PCDH15: variants seen among roughly 807,000 people sequenced by gnomAD.
The protein encoded by PCDH15 is protocadherin-15.
In PCDH15, 129 loss-of-function variants were observed where a neutral mutation model predicts 178.5. The observed-to-expected ratio is 0.72, with a 90% CI of 0.63 to 0.84. The LOEUF is 0.84. PCDH15 is among the 40% of genes least tolerant of loss of function. The pLI, the probability that PCDH15 is intolerant of heterozygous loss-of-function variation, is 0.00. For synonymous variants in PCDH15, 800 were observed against 732.0 expected (o/e 1.09, Z -1.50); for missense variants, 2,230 against 2,099.9 (o/e 1.06, Z -1.21).
intron 1 of PCDH15, among the ~76,000 whole-genome samples, chr10:55,270,812 T>C (rs1842425078): frequency 1.3e-5 from 2 of 152,096 alleles, no homozygotes; most frequent in African/African-American, 2.4e-5. Context: ...AAATAGATCA[T>C]TATATTAAAA....
chr10:54,186,929 G>T (rs539243083), intron 11 of PCDH15, among the ~76,000 whole-genome samples: 1 of 152,074 alleles, frequency 6.6e-6, no homozygotes, highest in East Asian at 1.9e-4. Flanking sequence ...AGAGTGAATT[G>T]TGATTAAATT....
At chr10:55,407,111 G>C (rs1838214714) in intron 2 of PCDH15, among the ~76,000 whole-genome samples, 1 of 152,090 alleles carries the variant, frequency 6.6e-6, no homozygotes, top group Non-Finnish European at 1.5e-5. Flanking sequence ...AGACGTGTAG[G>C]AGAGAAAGAG....
chr10:54,666,788 C>A (rs1158858227), intron 1 of PCDH15, among the ~76,000 whole-genome samples: 1 of 151,890 alleles, frequency 6.6e-6, no homozygotes. Flanking sequence ...TAGTTGTGTT[C>A]CTGTGTGGGT....
chr10:54,378,868 T>A lies in PCDH15; in HGVS notation c.232A>T (p.Lys78Ter), dbSNP rs745311778. The change falls in exon 4 of 38, where the codon AAG becomes TAG. Residue 78 changes from lysine (K) to a stop codon, truncating the protein, a stop_gained. Coordinates refer to ENST00000644397, the MANE Select transcript of PCDH15 (RefSeq NM_001384140.1). LOFTEE classifies it high-confidence loss of function. ...GPDPTIELSL[K>*]DNVDYWVLMD... is the part of the protein sequence containing the mutation. ...AACACCCAGTAATCCACATTATCCT[T>A]TAAAGAAAGTTCTATGGTGGGGTCT... 6.2e-7 allele frequency: 1 copy of A among 1,613,842 alleles called. No individual in the cohort carries two copies. Among genetic ancestry groups the A allele is most frequent in the South Asian group, 1.1e-5 (1 of 91,080 alleles).
intron 1 of PCDH15, among the ~76,000 whole-genome samples, chr10:55,170,680 G>A (rs1441366568): frequency 3.3e-5 from 5 of 152,084 alleles, no homozygotes; most frequent in South Asian, 2.1e-4. Flanking sequence ...TCAGGAGTTC[G>A]AGACTAGCCT....
At chr10:54,862,623 C>T (rs1156844140) in intron 3 of PCDH15, among the ~76,000 whole-genome samples, 1 of 152,076 alleles carries the variant, frequency 6.6e-6, no homozygotes, top group Non-Finnish European at 1.5e-5. Context: ...TAGATTCAGG[C>T]CCTCCCAAGG....
Position 55,183,142 on chromosome 10 carries a change from A to C in PCDH15, c.-155-16491T>G, listed in dbSNP as rs112958957. Among the ~76,000 whole-genome samples the C allele has an allele frequency of 6.9e-3, 1,052 of 152,136 alleles. 9 individuals are homozygous for C. Among genetic ancestry groups the C allele is most frequent in the Non-Finnish European group, 8.8e-3 (601 of 67,938 alleles). On this transcript the variant is annotated intron_variant, in intron 1 of 5. Transcript: ENST00000458638. The stretch of plus-strand genomic sequence containing the variant: ...TTTTGAAAAAGTTGTTACTTATCTA[A>C]TGTCAAAATCTATTCAGTTTTAGAA...
chr10:54,726,253 GA>G (rs1216751081), intron 1 of PCDH15, among the ~76,000 whole-genome samples: 1 of 151,254 alleles, frequency 6.6e-6, no homozygotes, highest in Non-Finnish European at 1.5e-5. Context: ...ACATTCCACA[GA>G]AAAAAATTAG....
At chr10:55,235,879 C>T (rs1052681945) in intron 1 of PCDH15, among the ~76,000 whole-genome samples, 6 of 139,574 alleles carry the variant, frequency 4.3e-5, no homozygotes, top group Admixed American at 8.0e-5. Context: ...TGCACTCCAG[C>T]CTGGGCGACA....
At chr10:54,504,497 T>G (rs1477550149) in intron 3 of PCDH15, among the ~76,000 whole-genome samples, 5 of 152,142 alleles carry the variant, frequency 3.3e-5, no homozygotes, top group African/African-American at 4.8e-5. Flanking sequence ...TATTTTATAT[T>G]TTGGCTTTAT....
At chr10:54,042,146 T>A (rs1418127197) in intron 18 of PCDH15, among the ~76,000 whole-genome samples, 1 of 152,088 alleles carries the variant, frequency 6.6e-6, no homozygotes, top group African/African-American at 2.4e-5. Context: ...TTCCCATGGA[T>A]GAAATATTGC....
At chr10:55,348,099 G>T (rs896206092) in intron 2 of PCDH15, among the ~76,000 whole-genome samples, 1 of 151,986 alleles carries the variant, frequency 6.6e-6, no homozygotes, top group Non-Finnish European at 1.5e-5. Flanking sequence ...GGGCCCACAT[G>T]CTGTACTAGA....
At chr10:55,409,369 C>T (rs1174839868) in intron 2 of PCDH15, among the ~76,000 whole-genome samples, 3 of 152,144 alleles carry the variant, frequency 2.0e-5, no homozygotes, top group African/African-American at 7.2e-5. Flanking sequence ...GTTTTTGTCT[C>T]TCATGTTACT....
intron 2 of PCDH15, among the ~76,000 whole-genome samples, chr10:55,552,227 C>A (rs1842016140): frequency 6.6e-6 from 1 of 151,500 alleles, no homozygotes; most frequent in African/African-American, 2.4e-5. Flanking sequence ...TCAATTTTTT[C>A]TAATCATTTA....
chr10:54,231,562 C>G (rs1405784309), intron 9 of PCDH15, among the ~76,000 whole-genome samples: 1 of 152,198 alleles, frequency 6.6e-6, no homozygotes, highest in African/African-American at 2.4e-5. Flanking sequence ...GGCAACTATT[C>G]TCCAGACCCC....
chr10:54,269,098 G>T lies in PCDH15; in HGVS notation c.877-32167C>A, dbSNP rs538372738. On this transcript the variant is annotated intron_variant, in intron 8 of 37. Coordinates refer to ENST00000644397, the MANE Select transcript of PCDH15 (RefSeq NM_001384140.1). Reference sequence around the variant, plus strand: ...TTTCTTAATATAATCATGAAAAAGTGAGCAACTGAAAATTTAATCTGGAGA... The same window carrying T: ...TTTCTTAATATAATCATGAAAAAGTTAGCAACTGAAAATTTAATCTGGAGA... Among the ~76,000 whole-genome samples the T allele has an allele frequency of 2.0e-5, 3 of 151,930 alleles. No individual in the cohort carries two copies. In the East Asian group the frequency reaches 5.8e-4, roughly 29 times the overall value.
At chr10:54,685,098 A>G (rs1344268870) in intron 1 of PCDH15, among the ~76,000 whole-genome samples, 1 of 151,996 alleles carries the variant, frequency 6.6e-6, no homozygotes, top group African/African-American at 2.4e-5. Flanking sequence ...ACATTAGCCT[A>G]GGCCTACACC....
intron 20 of PCDH15, among the ~76,000 whole-genome samples, chr10:54,009,375 C>T (rs917312264): frequency 1.3e-5 from 2 of 150,930 alleles, no homozygotes; most frequent in African/African-American, 2.4e-5. Context: ...TTAGGGTGTC[C>T]GAGGATGGAA....
chr10:55,433,758 T>G (rs1441583921), intron 2 of PCDH15, among the ~76,000 whole-genome samples: 4 of 152,090 alleles, frequency 2.6e-5, no homozygotes, highest in Non-Finnish European at 5.9e-5. Flanking sequence ...TTGTAAATAT[T>G]TATATTATTA....
Sources: allele counts gnomAD v4.1 joint callset (sites outside exome capture counted in the v4.1 genomes callset), GRCh38; gene constraint gnomAD v4.1.1; transcripts MANE v1.5; gene names NCBI Gene and HGNC (gene_info 2026-07-23, HGNC 2026-07-21).